The following COL14A1 variants were observed in gnomAD, a reference collection of about 807,000 sequenced individuals.
The protein encoded by COL14A1 is collagen alpha-1(XIV) chain.
COL14A1 carries 136 observed loss-of-function variants against 230.3 expected under a neutral mutation model. That is an observed-to-expected ratio of 0.59 (90% CI 0.51 to 0.68). The LOEUF (loss-of-function observed/expected upper bound fraction) is 0.68, where lower values mean the gene tolerates loss of function less well. COL14A1 is among the 30% of genes least tolerant of loss of function. COL14A1 has a pLI of 0.00. For synonymous variants in COL14A1, 792 were observed against 784.1 expected (o/e 1.01, Z -0.17); for missense variants, 1,976 against 2,215.8 (o/e 0.89, Z 2.17).
At chr8:120,291,247 A>G (rs779112554) in intron 34 of COL14A1, among the ~76,000 whole-genome samples, 4 of 152,138 alleles carry the variant, frequency 2.6e-5, no homozygotes, top group Non-Finnish European at 4.4e-5. Context: ...TGGATGATGA[A>G]TGAATAGACT....
At position 120,130,375 on chromosome 8, in the gene COL14A1, C is replaced by T. The variant is rs559120877; in HGVS notation, c.-38+5035C>T. On this transcript the variant is annotated intron_variant, in intron 1 of 47. Transcript: ENST00000297848. ...ATAGGTCATCTTGTATCCTTTCTGC[C>T]TTTATACTGTTTTCTTTTCTCTCTT... 3.2e-4 allele frequency among the ~76,000 whole-genome samples: 48 copies of T among 152,124 alleles called. 1 individual carries two copies. Among genetic ancestry groups the T allele is most frequent in the Non-Finnish European group, 6.3e-4 (43 of 68,026 alleles).
chr8:120,203,656 T>C lies in COL14A1; in HGVS notation c.878-53T>C, dbSNP rs1158513451. The C allele has an allele frequency of 6.3e-6, 10 of 1,587,298 alleles. No individual in the cohort carries two copies. The East Asian group carries it at 1.8e-4, about 28-fold the overall frequency. ...GTCAGATCAGGCCCACCGCAGTCAC[T>C]CTTTCCAAGGGGGCATAAAAGTCAC... is the stretch of plus-strand genomic sequence containing the variant. On this transcript the variant is annotated intron_variant, in intron 8 of 47. Coordinates refer to ENST00000297848, the MANE Select transcript of COL14A1 (RefSeq NM_021110.4).
In COL14A1 at chr8:120,255,332, AG is replaced by A; in HGVS notation, c.2848del (p.Val950LeufsTer3). ...GGTACATCGCCATGCCACAGCCTAT[AG>A]GGTTGTTATAGAATCCCTCCAGGGT... is the stretch of plus-strand genomic sequence containing the variant. ...WQVHRHATAY[R>X]VVIESLQDRQ... On this transcript the variant is annotated frameshift_variant, in exon 23 of 48. Coordinates refer to ENST00000297848, the MANE Select transcript of COL14A1 (RefSeq NM_021110.4). LOFTEE classifies it high-confidence loss of function. 1.2e-6 allele frequency: 2 copies of A among 1,613,674 alleles called. No individual in the cohort carries two copies. The highest frequency in any genetic ancestry group is 1.7e-6 in the Non-Finnish European group (2 of 1,179,584).
intron 37 of COL14A1, among the ~76,000 whole-genome samples, chr8:120,311,554 G>A (rs1028585419): frequency 1.3e-5 from 2 of 152,160 alleles, no homozygotes; most frequent in Non-Finnish European, 2.9e-5. Context: ...TTTGGAAAAA[G>A]TCTTATTGGA....
intron 35 of COL14A1, among the ~76,000 whole-genome samples, chr8:120,299,011 C>T (rs1806347460): frequency 6.6e-6 from 1 of 151,826 alleles, no homozygotes; most frequent in African/African-American, 2.4e-5. Context: ...ATAAATCCAT[C>T]AGATCTCATA....
intron 36 of COL14A1, among the ~76,000 whole-genome samples, chr8:120,308,745 A>C (rs2130075674): frequency 6.6e-6 from 1 of 152,322 alleles, no homozygotes; most frequent in Admixed American, 6.5e-5. Context: ...CCCTTTTAGT[A>C]ATCCTGGACA....
At chr8:120,323,418 T>C (rs1563737730) in intron 40 of COL14A1, among the ~76,000 whole-genome samples, 1 of 152,206 alleles carries the variant, frequency 6.6e-6, no homozygotes, top group Non-Finnish European at 1.5e-5. Flanking sequence ...CTCTTTAGTA[T>C]AATTAGAGCC....
chr8:120,216,882 C>G (rs1045149794), intron 14 of COL14A1, among the ~76,000 whole-genome samples: 4 of 152,188 alleles, frequency 2.6e-5, no homozygotes, highest in Non-Finnish European at 5.9e-5. Flanking sequence ...CATGTCCAAA[C>G]AGAGAGAGAG....
intron 12 of COL14A1, among the ~76,000 whole-genome samples, 155 bp from the exon 13 acceptor site, chr8:120,212,293 A>T (rs553690615): frequency 2.0e-5 from 3 of 152,250 alleles, no homozygotes; most frequent in Non-Finnish European, 4.4e-5. Context: ...ATGACACAAG[A>T]CAATTTAAAA....
chr8:120,136,251 G>A (rs1814704395), intron 1 of COL14A1, among the ~76,000 whole-genome samples: 1 of 152,000 alleles, frequency 6.6e-6, no homozygotes, highest in East Asian at 1.9e-4. Context: ...TTTCATTGAT[G>A]CCCTTTATTA....
At chr8:120,339,122 G>A (rs565222566) in intron 42 of COL14A1, among the ~76,000 whole-genome samples, 4 of 152,196 alleles carry the variant, frequency 2.6e-5, no homozygotes, top group East Asian at 3.9e-4. Context: ...CCACAGGCAC[G>A]CGCCACCACG....
chr8:120,168,365 G>A (rs577912274), intron 5 of COL14A1, 118 bp downstream of exon 5: 34 of 659,606 alleles, frequency 5.2e-5, no homozygotes, highest in Middle Eastern at 5.2e-4. Context: ...TACGAAGATC[G>A]CCTGTGGCCT....
rs367703565 is a variant in COL14A1 at position 120,266,880 on chromosome 8, G to A, written c.3070G>A (p.Glu1024Lys). The A allele has an allele frequency of 5.7e-5, 91 of 1,608,992 alleles. No homozygotes were observed. The highest frequency in any genetic ancestry group is 7.3e-5 in the Non-Finnish European group (86 of 1,175,902). ...TFPPTIPPAK[E>K]VCKAAKADLV... ...TCCTCCAACCATTCCACCAGCAAAA[G>A]AAGGTAAAAGAATAATAGAATAATT... Residue 1024 changes from glutamate to lysine, a missense_variant, in exon 25 of 48, where the codon GAA becomes AAA. By Grantham distance (56) the Glu-to-Lys change is moderately conservative (BLOSUM62 1). Transcript: ENST00000297848.
At chr8:120,308,152 T>G (rs1820909829) in intron 36 of COL14A1, among the ~76,000 whole-genome samples, 1 of 152,172 alleles carries the variant, frequency 6.6e-6, no homozygotes, top group East Asian at 1.9e-4. Context: ...CAGCTAACTT[T>G]TGTATTTTTA....
chr8:120,164,242 C>A (rs1815787982), intron 4 of COL14A1, among the ~76,000 whole-genome samples: 1 of 152,120 alleles, frequency 6.6e-6, no homozygotes, highest in South Asian at 2.1e-4. Context: ...AAACCCTTTG[C>A]CTTATTATTT....
intron 22 of COL14A1, among the ~76,000 whole-genome samples, chr8:120,251,635 T>G (rs2129685500): frequency 6.6e-6 from 1 of 152,346 alleles, no homozygotes; most frequent in African/African-American, 2.4e-5. Context: ...CTCCGCATGA[T>G]CTGTTTATTT....
At chr8:120,183,682 G>A (rs1046520862) in intron 5 of COL14A1, among the ~76,000 whole-genome samples, 1 of 152,170 alleles carries the variant, frequency 6.6e-6, no homozygotes, top group Non-Finnish European at 1.5e-5. Flanking sequence ...GTCTCTGAGC[G>A]AGTGCTGAAA....
At chr8:120,158,749 A>C (rs1815562865) in intron 3 of COL14A1, among the ~76,000 whole-genome samples, 1 of 152,182 alleles carries the variant, frequency 6.6e-6, no homozygotes. Context: ...CTTTATTTTA[A>C]AGATGATACT....
chr8:120,367,671 C>T (rs570479087), intron 46 of COL14A1, among the ~76,000 whole-genome samples: 1 of 150,190 alleles, frequency 6.7e-6, no homozygotes, highest in Non-Finnish European at 1.5e-5. Context: ...TGCGGTGGCT[C>T]ACTCCTGTAA....
Sources: allele counts gnomAD v4.1 joint callset (sites outside exome capture counted in the v4.1 genomes callset), GRCh38; gene constraint gnomAD v4.1.1; transcripts MANE v1.5; gene names NCBI Gene and HGNC (gene_info 2026-07-23, HGNC 2026-07-21).